IQGAP3: variants seen among roughly 807,000 people sequenced by gnomAD.
IQGAP3 encodes the protein ras GTPase-activating-like protein IQGAP3.
IQGAP3 carries 165 observed loss-of-function variants against 208.2 expected under a neutral mutation model. The observed-to-expected ratio is 0.79, with a 90% confidence interval of 0.70 to 0.90. The LOEUF is 0.90. Among genes scored for constraint, IQGAP3 ranks in the 40% least tolerant of loss-of-function variants. The pLI is 0.00. For synonymous variants in IQGAP3, 703 were observed against 803.6 expected, an observed-to-expected ratio of 0.87 and a Z score of 2.12; for missense variants, 1,811 against 2,043.1, an observed-to-expected ratio of 0.89 and a Z score of 2.19.
chr1:156,533,312 G>C (rs966247949), intron 31 of IQGAP3, among the ~76,000 whole-genome samples: 1 of 152,146 alleles, frequency 6.6e-6, no homozygotes, highest in Non-Finnish European at 1.5e-5. Context: ...TACCCACAGA[G>C]CATACCCTTG....
rs1383579383 is a variant in IQGAP3, at chr1:156,533,798, CTCCCCAAGATCCT to C, written c.3938_3950del (p.Glu1313GlyfsTer21). 6.2e-7 allele frequency: 1 copy of C among 1,613,612 alleles called. No individual in the cohort carries two copies. The highest frequency in any genetic ancestry group is 8.5e-7 in the Non-Finnish European group (1 of 1,179,866). ...CAATAAGGTCAGGGATGGTGGGCAG[CTCCCCAAGATCCT>C]CCAGGAGCTCATGCAGGGGGTCTTG... On this transcript the variant is annotated frameshift_variant, in exon 31 of 38. Transcript: ENST00000361170. LOFTEE classifies it high-confidence loss of function.
intron 4 of IQGAP3, among the ~76,000 whole-genome samples, chr1:156,565,615 T>C (rs1676367460): frequency 6.6e-6 from 1 of 152,142 alleles, no homozygotes; most frequent in Admixed American, 6.5e-5. Context: ...AGTAACAAAT[T>C]GAGGTTCAAA....
At chr1:156,528,773 G>T in intron 35 of IQGAP3, 143 bp downstream of exon 35, 2 of 1,115,928 alleles carry the variant, frequency 1.8e-6, no homozygotes, top group Non-Finnish European at 2.6e-6. Context: ...TGTAAATGAG[G>T]CTCAAAGACC....
chr1:156,557,547 C>A (rs1675895676), intron 11 of IQGAP3, among the ~76,000 whole-genome samples: 1 of 78,000 alleles, frequency 1.3e-5, no homozygotes, highest in Non-Finnish European at 2.8e-5. Flanking sequence ...CCAGCCGCCC[C>A]GTCCGGGAGG....
intron 34 of IQGAP3, among the ~76,000 whole-genome samples, 189 bp downstream of exon 34, chr1:156,529,916 C>CAA (rs57536386): frequency 1.4e-4 from 10 of 68,986 alleles, no homozygotes; most frequent in Non-Finnish European, 1.9e-4. Flanking sequence ...GAGACTGTCT[C>CAA]AAAAAAAAAA....
At position 156,534,634 on chromosome 1, in the gene IQGAP3, C is replaced by T. The variant is rs777139627; in HGVS notation, c.3607G>A (p.Ala1203Thr). 22 of 1,611,628 alleles carry T rather than the reference C, an allele frequency of 1.4e-5. No individual in the cohort carries two copies. In the Admixed American group the frequency reaches 2.7e-4, roughly 20 times the overall value. The stretch of plus-strand genomic sequence containing the variant: ...GCCCCCAGGGCATGGCGCTGGGGGG[C>T]AGCCAGGGCTCCACCAGCTGCCATG... Reference protein sequence around the residue: ...VAMAAGGALAAPQRHALGAVA... With the variant: ...VAMAAGGALATPQRHALGAVA... The change falls in exon 29 of 38, where the codon GCC (alanine) becomes ACC (threonine). Residue 1203 changes from alanine to threonine, a missense_variant. Physicochemically the swap from Ala to Thr is moderately conservative, Grantham distance 58 (BLOSUM62 0). Coordinates refer to ENST00000361170, the MANE Select transcript of IQGAP3 (RefSeq NM_178229.5).
intron 8 of IQGAP3, 71 bp from the exon 9 acceptor site, chr1:156,562,736 G>C (rs1676217761): frequency 1.5e-6 from 2 of 1,304,706 alleles, no homozygotes; most frequent in Non-Finnish European, 2.2e-6. Context: ...TTCCCTGCCT[G>C]GCTACACTTA....
At chr1:156,563,018 T>C in intron 8 of IQGAP3, 116 bp downstream of exon 8, 1 of 862,778 alleles carries the variant, frequency 1.2e-6, no homozygotes, top group Non-Finnish European at 1.8e-6. Flanking sequence ...TAAATTATGG[T>C]TTCTCTAAGA....
intron 29 of IQGAP3, 22 bp from the exon 30 acceptor site, chr1:156,534,163 G>A (rs1307048302): frequency 6.2e-7 from 1 of 1,611,780 alleles, no homozygotes; most frequent in Admixed American, 1.7e-5. Flanking sequence ...GCGGGCATGT[G>A]AGAGAGCGGG....
intron 35 of IQGAP3, 117 bp from the exon 36 acceptor site, chr1:156,528,727 G>T: frequency 1.9e-6 from 2 of 1,039,866 alleles, no homozygotes; most frequent in Non-Finnish European, 2.8e-6. Context: ...ACTGATGGAA[G>T]ACAGAGGAGG....
intron 12 of IQGAP3, 74 bp downstream of exon 12, chr1:156,556,459 G>T: frequency 6.9e-7 from 1 of 1,459,852 alleles, no homozygotes; most frequent in African/African-American, 1.4e-5. Flanking sequence ...ACAAGAGGGT[G>T]GCCTGGGCTG....
intron 12 of IQGAP3, 91 bp downstream of exon 12, chr1:156,556,442 C>T (rs2489139): frequency 0.99 from 1,233,334 of 1,243,464 alleles, 612,245 homozygotes; most frequent in East Asian, 1. Context: ...CATCTCATAT[C>T]GCACTCACAA....
In IQGAP3 at chr1:156,537,170, G is replaced by A; in HGVS notation, c.3422+11C>T. The stretch of plus-strand genomic sequence containing the variant: ...CCCATGCGTAGGCTGGGGTGGGGCT[G>A]TTGCACATACGGAATTTGGTCCACA... On this transcript the variant is annotated intron_variant, in intron 27 of 37. Transcript: ENST00000361170. 6.2e-7 allele frequency: 1 copy of A among 1,611,524 alleles called. No individual in the cohort carries two copies. The highest frequency in any genetic ancestry group is 1.1e-5 in the South Asian group (1 of 90,670).
In IQGAP3 at chr1:156,556,530, T is replaced by C; in HGVS notation, c.1290+3A>G. 1 of 1,614,072 alleles carries C rather than the reference T, an allele frequency of 6.2e-7. No homozygotes were observed. ...GAGCTAGACCCACATTTCTGGGGCT[T>C]ACCCCCTGCTGCTGCTGGAGCACTG... On this transcript the variant is annotated splice_donor_region_variant and intron_variant, in intron 12 of 37. Transcript: ENST00000361170.
At position 156,529,097 on chromosome 1, in the gene IQGAP3, C is replaced by G; in HGVS notation, c.4405-15G>C. 6.2e-7 allele frequency: 1 copy of G among 1,613,286 alleles called. No individual in the cohort carries two copies. The highest frequency in any genetic ancestry group is 8.5e-7 in the Non-Finnish European group (1 of 1,179,380). ...TTGCGGATGTCCTGGGGTTGGGGAA[C>G]AGATGGAGGGATGAGTGGTCCTTCC... On this transcript the variant is annotated splice_polypyrimidine_tract_variant and intron_variant, in intron 34 of 37. Transcript: ENST00000361170.
chr1:156,570,151 A>G (rs1676584272), intron 1 of IQGAP3, among the ~76,000 whole-genome samples: 1 of 152,214 alleles, frequency 6.6e-6, no homozygotes, highest in Non-Finnish European at 1.5e-5. Context: ...AGGTGAGGTA[A>G]TAGAACCAAC....
chr1:156,548,789 G>A (rs560302044), intron 16 of IQGAP3, 41 bp from the exon 17 acceptor site: 73 of 1,510,826 alleles, frequency 4.8e-5, no homozygotes, highest in African/African-American at 6.9e-5. Flanking sequence ...TCCTTCCCCC[G>A]AGTCCCTCCC....
chr1:156,543,992 T>C lies in IQGAP3; in HGVS notation c.2519A>G (p.Tyr840Cys). The part of the protein sequence containing the change: ...FFRARKAQDD[Y>C]RILVHAPHPP... ...ATCAGGCAGCTCACCTAATATCCTGTAGTCATCTTGGGCTTTCCTGGCTCG... is the reference window on the plus strand; with the variant it reads ...ATCAGGCAGCTCACCTAATATCCTGCAGTCATCTTGGGCTTTCCTGGCTCG... The change falls in exon 22 of 38, where the codon TAC becomes TGC. Residue 840 changes from tyrosine to cysteine, a missense_variant. By Grantham distance (194) the Tyr-to-Cys change is radical. Coordinates refer to ENST00000361170, the MANE Select transcript of IQGAP3 (RefSeq NM_178229.5). 1 of 1,614,144 alleles carries C rather than the reference T, an allele frequency of 6.2e-7. No individual in the cohort carries two copies. The highest frequency in any genetic ancestry group is 1.7e-5 in the Admixed American group (1 of 60,032).
In IQGAP3 at chr1:156,542,940, T is replaced by C. The variant is rs149333689; in HGVS notation, c.2530+1041A>G. On this transcript the variant is annotated intron_variant, in intron 22 of 37. Coordinates refer to ENST00000361170, the MANE Select transcript of IQGAP3 (RefSeq NM_178229.5). Reference sequence around the variant, plus strand: ...AGGGTGACAGAGCGAGACTCTGTCCTAAATAAACAAATAAATAAATAATCA... The same window carrying C: ...AGGGTGACAGAGCGAGACTCTGTCCCAAATAAACAAATAAATAAATAATCA... Among the ~76,000 whole-genome samples, 959 of 149,796 alleles carry C rather than the reference T, an allele frequency of 6.4e-3. 9 individuals carry two copies. The highest frequency in any genetic ancestry group is 0.023 in the African/African-American group (910 of 40,254).
Sources: gnomAD v4.1 joint callset for allele counts (sites outside exome capture counted in the v4.1 genomes callset) on GRCh38, gnomAD v4.1.1 for gene constraint, MANE v1.5 for transcripts, NCBI Gene and HGNC (gene_info 2026-07-23, HGNC 2026-07-21) for gene names.